IQCJ: variants seen among roughly 807,000 people sequenced by gnomAD.
IQCJ encodes the protein IQ motif containing J.
In IQCJ, 9 loss-of-function variants were observed where a neutral mutation model predicts 11.0. That is an observed-to-expected ratio of 0.82 (90% CI 0.49 to 1.43). The LOEUF is 1.43. Among genes scored for constraint, IQCJ ranks in the 40% most tolerant of loss-of-function variants. The pLI is 0.00. For missense variants in IQCJ, 146 were observed against 133.2 expected, an observed-to-expected ratio of 1.10 and a Z score of -0.47; for synonymous variants, 55 against 51.3, an observed-to-expected ratio of 1.07 and a Z score of -0.31.
At chr3:159,210,407 T>A (rs1724888683) in intron 1 of IQCJ, among the ~76,000 whole-genome samples, 1 of 152,212 alleles carries the variant, frequency 6.6e-6, no homozygotes, top group African/African-American at 2.4e-5. Context: ...ATAAACATTG[T>A]ACTCTAGTAG....
intron 1 of IQCJ, among the ~76,000 whole-genome samples, chr3:159,217,639 C>G (rs1725306313): frequency 6.6e-6 from 1 of 152,146 alleles, no homozygotes; most frequent in Admixed American, 6.6e-5. Flanking sequence ...GTCCTTCCTT[C>G]AGGGAACATT....
chr3:159,207,809 C>T (rs971585050), intron 1 of IQCJ, among the ~76,000 whole-genome samples: 13 of 152,116 alleles, frequency 8.5e-5, no homozygotes, highest in Admixed American at 2.0e-4. Context: ...GGGGTAATAA[C>T]GAACTTTATC....
At chr3:159,238,267 C>T (rs1398470187) in intron 1 of IQCJ, among the ~76,000 whole-genome samples, 2 of 152,134 alleles carry the variant, frequency 1.3e-5, no homozygotes, top group Non-Finnish European at 2.9e-5. Flanking sequence ...CCTCTGGGCT[C>T]ATGCCAGTGC....
chr3:159,201,624 A>C (rs1389976495), intron 1 of IQCJ, among the ~76,000 whole-genome samples: 1 of 70,354 alleles, frequency 1.4e-5, no homozygotes, highest in African/African-American at 6.3e-5. Context: ...GTTGATAATG[A>C]TTCTTTTTTT....
At chr3:159,223,343 A>G (rs1466457944) in intron 1 of IQCJ, among the ~76,000 whole-genome samples, 1 of 152,158 alleles carries the variant, frequency 6.6e-6, no homozygotes, top group African/African-American at 2.4e-5. Context: ...TAACAAAACT[A>G]TTTGAAGAAA....
intron 1 of IQCJ, among the ~76,000 whole-genome samples, chr3:159,128,603 C>T (rs1719811312): frequency 1.3e-5 from 2 of 152,154 alleles, no homozygotes; most frequent in African/African-American, 4.8e-5. Context: ...GACTGACCTC[C>T]CCTCTGTGTA....
chr3:159,188,003 G>C (rs545445011), intron 1 of IQCJ, among the ~76,000 whole-genome samples: 2 of 152,178 alleles, frequency 1.3e-5, no homozygotes, highest in Non-Finnish European at 2.9e-5. Flanking sequence ...CCAAGCTACC[G>C]ACCAGAGAGG....
chr3:159,114,324 T>TTTTTC, intron 1 of IQCJ, among the ~76,000 whole-genome samples: 1 of 151,766 alleles, frequency 6.6e-6, no homozygotes, highest in Non-Finnish European at 1.5e-5. Flanking sequence ...TTTTTTTTTT[T>TTTTTC]TTCTGAGACG....
At chr3:159,233,272 G>C (rs1435997801) in intron 1 of IQCJ, among the ~76,000 whole-genome samples, 1 of 152,114 alleles carries the variant, frequency 6.6e-6, no homozygotes, top group Non-Finnish European at 1.5e-5. Flanking sequence ...AGGCCCAGGG[G>C]CTTAGGCTCT....
At chr3:159,248,845 T>C (rs1340493601) in intron 2 of IQCJ, among the ~76,000 whole-genome samples, 1 of 151,318 alleles carries the variant, frequency 6.6e-6, no homozygotes, top group Non-Finnish European at 1.5e-5. Flanking sequence ...CTGGCCATGC[T>C]GGTTTTTCAT....
intron 1 of IQCJ, among the ~76,000 whole-genome samples, chr3:159,221,050 G>A (rs1181008355): frequency 2.6e-5 from 4 of 152,090 alleles, no homozygotes; most frequent in South Asian, 2.1e-4. Context: ...AATAGAATAA[G>A]GCAGCAGAGA....
At chr3:159,115,654 C>T (rs7634875) in intron 1 of IQCJ, among the ~76,000 whole-genome samples, 98,706 of 152,060 alleles carry the variant, frequency 0.65, 32,409 homozygotes, top group Non-Finnish European at 0.71. Context: ...CTTCCAGAAT[C>T]AATTTTTCTG....
intron 1 of IQCJ, among the ~76,000 whole-genome samples, chr3:159,172,518 A>G (rs901199252): frequency 6.6e-6 from 1 of 152,108 alleles, no homozygotes; most frequent in Non-Finnish European, 1.5e-5. Context: ...TATAACATAT[A>G]TATATAGTTG....
chr3:159,168,377 G>A (rs182727824), intron 1 of IQCJ, among the ~76,000 whole-genome samples: 13 of 152,194 alleles, frequency 8.5e-5, no homozygotes, highest in South Asian at 2.1e-4. Context: ...TGTAAATCTC[G>A]TGACTTGAAA....
intron 1 of IQCJ, among the ~76,000 whole-genome samples, chr3:159,237,638 G>A (rs1320145001): frequency 6.6e-6 from 1 of 152,226 alleles, no homozygotes; most frequent in Non-Finnish European, 1.5e-5. Flanking sequence ...GGAATGCTGT[G>A]TGTCTGGATT....
At chr3:159,226,465 G>C (rs1247820378) in intron 1 of IQCJ, among the ~76,000 whole-genome samples, 1 of 152,162 alleles carries the variant, frequency 6.6e-6, no homozygotes, top group Non-Finnish European at 1.5e-5. Context: ...AATGATGAGA[G>C]TTTTAGGAGT....
intron 1 of IQCJ, among the ~76,000 whole-genome samples, chr3:159,221,931 GA>G (rs997941928): frequency 1.4e-4 from 21 of 151,308 alleles, no homozygotes; most frequent in East Asian, 3.9e-4. Flanking sequence ...GGTTAAAAAA[GA>G]AAAAAATCTT....
intron 1 of IQCJ, among the ~76,000 whole-genome samples, chr3:159,239,260 G>A (rs1028618244): frequency 6.6e-6 from 1 of 152,154 alleles, no homozygotes; most frequent in African/African-American, 2.4e-5. Flanking sequence ...TGTCAGCAGA[G>A]CAGCTGCTCA....
chr3:159,161,658 T>C (rs572418150), intron 1 of IQCJ, among the ~76,000 whole-genome samples: 1 of 152,196 alleles, frequency 6.6e-6, no homozygotes, highest in African/African-American at 2.4e-5. Flanking sequence ...GTTTTTATGG[T>C]TTTAGGTCTA....
Sources: gnomAD v4.1 joint callset for allele counts (sites outside exome capture counted in the v4.1 genomes callset) on GRCh38, gnomAD v4.1.1 for gene constraint, MANE v1.5 for transcripts, NCBI Gene and HGNC (gene_info 2026-07-23, HGNC 2026-07-21) for gene names.